The following DHX29 variants were observed in gnomAD, a reference collection of about 807,000 sequenced individuals.
DHX29 encodes the protein ATP-dependent RNA helicase DHX29.
DHX29 carries 79 observed loss-of-function variants against 167.9 expected under a neutral mutation model. The ratio of observed to expected loss-of-function variants is 0.47; its 90% CI spans 0.39 to 0.57. DHX29 has a LOEUF of 0.57. Ranked by LOEUF, DHX29 falls within the 20% of genes least tolerant of loss-of-function variation. The probability of loss-of-function intolerance (pLI) is 0.00; values close to 1 mark genes in which losing one functional copy is unlikely to be tolerated. For missense variants in DHX29, 1,347 were observed against 1,593.4 expected (o/e 0.85, Z 2.63); for synonymous variants, 530 against 546.0 (o/e 0.97, Z 0.41).
chr5:55,272,314 T>C, intron 17 of DHX29, 139 bp from the exon 18 acceptor site: 1 of 607,280 alleles, frequency 1.6e-6, no homozygotes, highest in Non-Finnish European at 2.9e-6. Context: ...CTATTTGCTA[T>C]TACTGTGTAA....
At chr5:55,304,276 C>T (rs1273273413) in intron 1 of DHX29, among the ~76,000 whole-genome samples, 1 of 149,432 alleles carries the variant, frequency 6.7e-6, no homozygotes, top group East Asian at 2.0e-4. Flanking sequence ...TGTGTAACTA[C>T]TTTACCTGCC....
chr5:55,281,509 A>G lies in DHX29; in HGVS notation c.1972T>C (p.Leu658=). 6.3e-7 allele frequency: 1 copy of G among 1,583,708 alleles called. No homozygotes were observed. Among genetic ancestry groups the G allele is most frequent in the Non-Finnish European group, 8.6e-7 (1 of 1,166,124 alleles). The change falls in exon 12 of 27, where the codon TTG becomes CTG. Residue 658 remains leucine, a synonymous_variant. Transcript: ENST00000251636. ...CENGPGGRNS[L]CGYQIRMESR... ...TCCATCCGGATCTGATATCCACACA[A>G]GGAATTCTAAAGGGAGAACATAAGG...
chr5:55,256,346 CT>C lies in DHX29; in HGVS notation c.*141del. ...AAATTATACATGTTTAAAGTATGTG[CT>C]TTTTTCCCACCACCTTTAAGTTAAT... is the stretch of plus-strand genomic sequence containing the variant. On this transcript the variant is annotated 3_prime_UTR_variant, in exon 27 of 27. Transcript: ENST00000251636. 1 of 596,816 alleles carries C rather than the reference CT, an allele frequency of 1.7e-6. No homozygotes were observed. 37.0% of individuals were successfully genotyped at this position (596,816 alleles called of 1,614,324 possible). A position where few individuals can be genotyped will look rare whatever the true frequency, so the allele number is the denominator to read the frequency against.
chr5:55,256,375 C>A lies in DHX29; in HGVS notation c.*113G>T. On this transcript the variant is annotated 3_prime_UTR_variant, in exon 27 of 27. Coordinates refer to ENST00000251636, the MANE Select transcript of DHX29 (RefSeq NM_019030.4). ...TTTCCCACCACCTTTAAGTTAATGG[C>A]TAGTACCAACATTTTAAGTAATGAA... is the stretch of plus-strand genomic sequence containing the variant. 1 of 866,728 alleles carries A rather than the reference C, an allele frequency of 1.2e-6. No homozygotes were observed. 53.7% of individuals were successfully genotyped at this position (866,728 alleles called of 1,614,324 possible). A position where few individuals can be genotyped will look rare whatever the true frequency, so the allele number is the denominator to read the frequency against.
chr5:55,292,822 A>G (rs1480891464), intron 6 of DHX29, among the ~76,000 whole-genome samples: 2 of 151,652 alleles, frequency 1.3e-5, no homozygotes, highest in Non-Finnish European at 2.9e-5. Context: ...GCCTGTCTGA[A>G]CTCTGTGCAT....
chr5:55,283,036 C>A, intron 11 of DHX29, 167 bp downstream of exon 11: 1 of 601,042 alleles, frequency 1.7e-6, no homozygotes, highest in Non-Finnish European at 2.7e-6. Flanking sequence ...AGGACAGTGG[C>A]ATACTATCAC....
Position 55,277,152 on chromosome 5 carries a change from G to T in DHX29, c.2240C>A (p.Thr747Lys). The change falls in exon 13 of 27, where the codon ACA (threonine) becomes AAA (lysine). Residue 747 changes from threonine to lysine, a missense_variant. By Grantham distance (78) the Thr-to-Lys change is moderately conservative (BLOSUM62 -1). Coordinates refer to ENST00000251636, the MANE Select transcript of DHX29 (RefSeq NM_019030.4). ...TGAAATTCTGAGAATGGGGCAGTGT[G>T]TGAAATATGTAGAAAATTTTTCGCT... ...VDSEKFSTYF[T>K]HCPILRISGR... 1 of 1,612,946 alleles carries T rather than the reference G, an allele frequency of 6.2e-7. No homozygotes were observed. The highest frequency in any genetic ancestry group is 8.5e-7 in the Non-Finnish European group (1 of 1,179,326).
intron 26 of DHX29, among the ~76,000 whole-genome samples, 174 bp from the exon 27 acceptor site, chr5:55,256,714 T>C (rs1746076532): frequency 6.6e-6 from 1 of 152,236 alleles, no homozygotes; most frequent in African/African-American, 2.4e-5. Context: ...CCTACATAGA[T>C]TTTATTGCTG....
At chr5:55,285,883 G>A (rs200311524) in intron 8 of DHX29, 22 bp from the exon 9 acceptor site, 85 of 1,519,588 alleles carry the variant, frequency 5.6e-5, no homozygotes, top group Non-Finnish European at 6.8e-5. Flanking sequence ...AACAAAGATT[G>A]GTTCTTTAAA....
intron 1 of DHX29, among the ~76,000 whole-genome samples, chr5:55,302,592 C>CAAAAAA (rs3990285): frequency 1.5e-5 from 1 of 68,314 alleles, no homozygotes; most frequent in Admixed American, 1.6e-4. Context: ...GTGACCCTAT[C>CAAAAAA]AAAAAAAAAA....
At chr5:55,268,417 TTTTA>T (rs1157018600) in intron 21 of DHX29, among the ~76,000 whole-genome samples, 43 of 151,652 alleles carry the variant, frequency 2.8e-4, no homozygotes, top group African/African-American at 1.0e-3. Context: ...TTCATTCTGT[TTTTA>T]TTTTTATTTT....
In DHX29 at chr5:55,256,447, T is replaced by C; in HGVS notation, c.*41A>G. The C allele has an allele frequency of 6.5e-7, 1 of 1,533,972 alleles. No individual in the cohort carries two copies. The highest frequency in any genetic ancestry group is 1.2e-5 in the South Asian group (1 of 81,498). ...TTTCAGATAATTTCATGACTGTATC[T>C]TCATCTTAATTTTTAAAGCAGTTGA... On this transcript the variant is annotated 3_prime_UTR_variant, in exon 27 of 27. Coordinates refer to ENST00000251636, the MANE Select transcript of DHX29 (RefSeq NM_019030.4).
intron 1 of DHX29, among the ~76,000 whole-genome samples, chr5:55,306,511 T>A (rs1228043631): frequency 6.6e-6 from 1 of 151,360 alleles, no homozygotes; most frequent in Non-Finnish European, 1.5e-5. Flanking sequence ...TTATCTATTA[T>A]AAGGCTATAA....
At chr5:55,285,175 C>G (rs1386649288) in intron 10 of DHX29, 118 bp downstream of exon 10, 4 of 1,437,134 alleles carry the variant, frequency 2.8e-6, no homozygotes, top group Admixed American at 4.6e-5. Flanking sequence ...TGAAAGGAAG[C>G]CAAATTAGGA....
At chr5:55,297,935 C>A (rs1353057831) in intron 2 of DHX29, among the ~76,000 whole-genome samples, 1 of 152,114 alleles carries the variant, frequency 6.6e-6, no homozygotes, top group African/African-American at 2.4e-5. Context: ...TAAGAGTACA[C>A]AAGCATCTAC....
rs572972699 is a variant in DHX29 at position 55,274,900 on chromosome 5, G to C, written c.2538C>G (p.Asn846Lys). 1 of 1,613,710 alleles carries C rather than the reference G, an allele frequency of 6.2e-7. No homozygotes were observed. The highest frequency in any genetic ancestry group is 1.3e-5 in the African/African-American group (1 of 75,026). Residue 846 changes from asparagine to lysine, a missense_variant, in exon 15 of 27, where the codon AAC becomes AAG. Asn to Lys is a moderately conservative substitution (Grantham distance 94, BLOSUM62 0). This residue lies in a region of DHX29 where 882 missense variants were observed against 1,082.4 expected (regional missense o/e 0.81). Coordinates refer to ENST00000251636, the MANE Select transcript of DHX29 (RefSeq NM_019030.4). ...CAAGAAGTTCCAAAATGAGATCCAG[G>C]TTGATTTTATGAGGATTCATGTATA... ...AILYMNPHKINLDLILELLAY... is the reference protein window; with the variant it reads ...AILYMNPHKIKLDLILELLAY...
chr5:55,276,104 A>G (rs1347769631), intron 14 of DHX29, among the ~76,000 whole-genome samples, 162 bp downstream of exon 14: 2 of 152,240 alleles, frequency 1.3e-5, no homozygotes, highest in South Asian at 4.1e-4. Context: ...TGAAATAAAG[A>G]TTAAAGAAAT....
In DHX29 at chr5:55,295,477, T is replaced by C; in HGVS notation, c.553A>G (p.Lys185Glu). 3.1e-6 allele frequency: 5 copies of C among 1,614,024 alleles called. No homozygotes were observed. Among genetic ancestry groups the C allele is most frequent in the Non-Finnish European group, 4.2e-6 (5 of 1,179,950 alleles). ...FSQEFEEQQP[K>E]SRPKFQSPQI... ...GGAGACTGAAATTTAGGCCTACTTT[T>C]AGGTTGCTGCTCTTCAAATTCCTGA... The change falls in exon 5 of 27, where the codon AAA (lysine) becomes GAA (glutamate). Residue 185 changes from lysine (K) to glutamate (E), a missense_variant. Coordinates refer to ENST00000251636, the MANE Select transcript of DHX29 (RefSeq NM_019030.4).
At chr5:55,288,099 C>T (rs891414807) in intron 8 of DHX29, among the ~76,000 whole-genome samples, 1 of 151,774 alleles carries the variant, frequency 6.6e-6, no homozygotes, top group African/African-American at 2.4e-5. Flanking sequence ...AAAAACTAGC[C>T]GGGCATGGGG....
Sources: gnomAD v4.1 joint callset for allele counts (sites outside exome capture counted in the v4.1 genomes callset) on GRCh38, gnomAD v4.1.1 for gene constraint, gnomAD v4.1.1 regional missense constraint, MANE v1.5 for transcripts, NCBI Gene and HGNC (gene_info 2026-07-23, HGNC 2026-07-21) for gene names.